The following MTO1 variants were observed in gnomAD, a reference collection of about 807,000 sequenced individuals.
MTO1 encodes the protein mitochondrial tRNA translation optimization 1, also known as 5-taurinomethyluridine-[tRNA] synthase subunit MTO1, mitochondrial.
A neutral mutation model predicts 71.6 loss-of-function variants in MTO1; 46 were observed. The ratio of observed to expected loss-of-function variants is 0.64; its 90% CI spans 0.51 to 0.82. MTO1 has a LOEUF of 0.82. MTO1 is among the 40% of genes least tolerant of loss of function. The pLI, the probability that MTO1 is intolerant of heterozygous loss-of-function variation, is 0.00. For missense variants in MTO1, 773 were observed against 867.5 expected (o/e 0.89, Z 1.37); for synonymous variants, 297 against 312.1 (o/e 0.95, Z 0.51).
Position 73,500,652 on chromosome 6 carries a change from C to T in MTO1, c.1996C>T (p.Arg666Ter), listed in dbSNP as rs200217371. The T allele has an allele frequency of 1.1e-4, 179 of 1,613,806 alleles. 1 individual carries two copies. Among genetic ancestry groups the T allele is most frequent in the Admixed American group, 9.8e-4 (59 of 59,966 alleles). ...GCTGAGATTTGTGAAGACCACTCAACGAAGACAGTCGGCTATGAATGAATC... is the reference window on the plus strand; with the variant it reads ...GCTGAGATTTGTGAAGACCACTCAATGAAGACAGTCGGCTATGAATGAATC... ...NLLRFVKTTQ[R>*]RQSAMNESSK... The change falls in exon 12 of 12, where the codon CGA (arginine) becomes TGA (stop). Residue 666 changes from arginine (R) to a stop codon, truncating the protein, a stop_gained. Transcript: ENST00000498286. LOFTEE classifies it low-confidence loss of function (END_TRUNC).
intron 9 of MTO1, among the ~76,000 whole-genome samples, chr6:73,484,843 G>C (rs1274664441): frequency 6.6e-6 from 1 of 151,888 alleles, no homozygotes; most frequent in African/African-American, 2.4e-5. Context: ...ATCACTTGAG[G>C]CCAGAAGTCA....
At chr6:73,479,364 G>C (rs1419621838) in intron 4 of MTO1, among the ~76,000 whole-genome samples, 1 of 151,822 alleles carries the variant, frequency 6.6e-6, no homozygotes, top group Non-Finnish European at 1.5e-5. Context: ...ACGTAGTGGT[G>C]CATGCCTGTG....
chr6:73,471,436 A>G (rs530042942), intron 3 of MTO1: 65 of 447,940 alleles, frequency 1.5e-4, no homozygotes, highest in Non-Finnish European at 2.2e-4. Context: ...TATTTTTGAG[A>G]CAAGTTCTCT....
chr6:73,482,316 G>T, intron 8 of MTO1, 72 bp downstream of exon 8: 1 of 1,576,590 alleles, frequency 6.3e-7, no homozygotes, highest in South Asian at 1.1e-5. Flanking sequence ...CAATTTGAGA[G>T]ACCAAGGCAA....
At chr6:73,498,210 CA>C (rs1268562224) in intron 11 of MTO1, among the ~76,000 whole-genome samples, 8 of 142,960 alleles carry the variant, frequency 5.6e-5, no homozygotes, top group Admixed American at 1.4e-4. Context: ...GACCCTGTCT[CA>C]AAAAAAAAAG....
Position 73,492,968 on chromosome 6 carries a change from A to ATGTGTGTGTGTGTG in MTO1, c.1756+628_1756+641dup, listed in dbSNP as rs368351300. Among the ~76,000 whole-genome samples, 462 of 67,866 alleles carry ATGTGTGTGTGTGTG rather than the reference A, an allele frequency of 6.8e-3. 9 individuals carry two copies. Among genetic ancestry groups the ATGTGTGTGTGTGTG allele is most frequent in the African/African-American group, 0.022 (404 of 17,972 alleles). 44.5% of individuals were successfully genotyped at this position (67,866 alleles called of 152,430 possible). On this transcript the variant is annotated intron_variant, in intron 10 of 11. Transcript: ENST00000498286. The stretch of plus-strand genomic sequence containing the variant: ...CTATAAATAAATATATATATAATAT[A>ATGTGTGTGTGTGTG]TGTGTGTGTGTGTGTGTGTGTGTGT...
At chr6:73,478,223 C>T (rs562927544) in intron 4 of MTO1, among the ~76,000 whole-genome samples, 19 of 147,236 alleles carry the variant, frequency 1.3e-4, no homozygotes, top group African/African-American at 4.3e-4. Context: ...TTCAGCCTGG[C>T]GACAGAGCAA....
intron 6 of MTO1, 183 bp downstream of exon 6, chr6:73,480,309 G>C (rs1184569544): frequency 3.9e-6 from 3 of 773,186 alleles, no homozygotes; most frequent in Non-Finnish European, 6.6e-6. Flanking sequence ...TTTTGCTCTT[G>C]TTGCCCAGGA....
chr6:73,479,690 T>C, intron 4 of MTO1, 42 bp from the exon 5 acceptor site: 1 of 1,472,658 alleles, frequency 6.8e-7, no homozygotes, highest in Non-Finnish European at 9.4e-7. Flanking sequence ...GAGAAACTAG[T>C]AGATAAGCAA....
At chr6:73,492,854 C>T (rs911661969) in intron 10 of MTO1, 4 of 151,408 alleles carry the variant, frequency 2.6e-5, no homozygotes, top group Non-Finnish European at 4.4e-5. Context: ...CCTCAGGCTT[C>T]ACCTCAGACC....
chr6:73,463,333 A>G (rs1025773794), intron 1 of MTO1, among the ~76,000 whole-genome samples: 9 of 152,094 alleles, frequency 5.9e-5, no homozygotes, highest in Non-Finnish European at 8.8e-5. Flanking sequence ...GCCCAGCGCC[A>G]TGCTACCTTT....
chr6:73,483,894 T>A (rs914447392), intron 9 of MTO1, among the ~76,000 whole-genome samples: 1 of 150,912 alleles, frequency 6.6e-6, no homozygotes, highest in African/African-American at 2.4e-5. Context: ...TTCTCCTGCC[T>A]CAGCCTCCTG....
At position 73,477,753 on chromosome 6, in the gene MTO1, T is replaced by C. The variant is rs528570054; in HGVS notation, c.826-1979T>C. On this transcript the variant is annotated intron_variant, in intron 4 of 11. Transcript: ENST00000498286. ...AACTCATGGACTGAAGGGATCTGCCTGCCTTGGGCCCCAAAAGTGCTGGGA... is the reference window on the plus strand; with the variant it reads ...AACTCATGGACTGAAGGGATCTGCCCGCCTTGGGCCCCAAAAGTGCTGGGA... Among the ~76,000 whole-genome samples the C allele has an allele frequency of 5.9e-5, 9 of 152,042 alleles. 1 individual carries two copies. The highest frequency in any genetic ancestry group is 2.2e-4 in the African/African-American group (9 of 41,512).
intron 1 of MTO1, among the ~76,000 whole-genome samples, chr6:73,464,543 G>A (rs2150026115): frequency 6.6e-6 from 1 of 152,078 alleles, no homozygotes; most frequent in Non-Finnish European, 1.5e-5. Flanking sequence ...AGTTTGGGAG[G>A]CAAAGGCGGG....
chr6:73,482,886 G>T (rs1771551825), intron 9 of MTO1, among the ~76,000 whole-genome samples: 1 of 144,226 alleles, frequency 6.9e-6, no homozygotes, highest in South Asian at 2.2e-4. Flanking sequence ...CCGCCTCCCG[G>T]GTTCGCGCCA....
chr6:73,478,527 A>G (rs1204324380), intron 4 of MTO1, among the ~76,000 whole-genome samples: 1 of 152,132 alleles, frequency 6.6e-6, no homozygotes, highest in East Asian at 1.9e-4. Context: ...CTTTGGTAGT[A>G]TGCAAATTAT....
chr6:73,476,393 A>G (rs1771320738), intron 4 of MTO1, among the ~76,000 whole-genome samples: 1 of 151,276 alleles, frequency 6.6e-6, no homozygotes, highest in Admixed American at 6.6e-5. Context: ...AAAAAAAAAA[A>G]AAAAGAAAGT....
intron 9 of MTO1, among the ~76,000 whole-genome samples, chr6:73,482,918 A>G (rs964239031): frequency 3.4e-5 from 5 of 146,894 alleles, no homozygotes; most frequent in Middle Eastern, 3.6e-3. Flanking sequence ...CAGCCCCCCG[A>G]GTAGCTGGGA....
chr6:73,471,804 A>G (rs188189289), intron 3 of MTO1: 3 of 162,500 alleles, frequency 1.8e-5, no homozygotes, highest in East Asian at 1.9e-4. Flanking sequence ...GTGGTAAAAT[A>G]TACAAACCAT....
Sources: gnomAD v4.1 joint callset for allele counts (sites outside exome capture counted in the v4.1 genomes callset) on GRCh38, gnomAD v4.1.1 for gene constraint, MANE v1.5 for transcripts, NCBI Gene and HGNC (gene_info 2026-07-23, HGNC 2026-07-21) for gene names.